The following PDE11A variants were observed in gnomAD, a reference collection of about 807,000 sequenced individuals.
PDE11A encodes the protein phosphodiesterase 11A, also known as dual 3',5'-cyclic-AMP and -GMP phosphodiesterase 11A.
In PDE11A, 100 loss-of-function variants were observed where a neutral mutation model predicts 100.5. That is an observed-to-expected ratio of 1.00 (90% CI 0.85 to 1.18). PDE11A has a LOEUF of 1.18. PDE11A is among the 50% of genes most tolerant of loss of function. The probability of loss-of-function intolerance (pLI) is 0.00; values close to 1 mark genes in which losing one functional copy is unlikely to be tolerated. For missense variants in PDE11A, 1,141 were observed against 1,152.6 expected, an observed-to-expected ratio of 0.99 and a Z score of 0.15; for synonymous variants, 381 against 420.8, an observed-to-expected ratio of 0.91 and a Z score of 1.16.
In PDE11A at chr2:177,898,049, A is replaced by T. The variant is rs1312961415; in HGVS notation, c.1302+9T>A. The T allele has an allele frequency of 1.9e-6, 3 of 1,603,234 alleles. No individual in the cohort carries two copies. The highest frequency in any genetic ancestry group is 1.7e-6 in the Non-Finnish European group (2 of 1,169,990). ...AGTCTTCAACTTTAAAAGATAAAAG[A>T]TAACTTACTGGTGATTCGATGTCCT... is the stretch of plus-strand genomic sequence containing the variant. On this transcript the variant is annotated intron_variant, in intron 4 of 19. Transcript: ENST00000286063.
At chr2:177,891,124 G>A (rs1222087036) in intron 4 of PDE11A, among the ~76,000 whole-genome samples, 1 of 152,106 alleles carries the variant, frequency 6.6e-6, no homozygotes, top group African/African-American at 2.4e-5. Context: ...TTTAAGAGGA[G>A]GAGTTGCTGG....
intron 4 of PDE11A, among the ~76,000 whole-genome samples, chr2:177,894,790 A>G (rs1172969942): frequency 1.3e-5 from 2 of 152,164 alleles, no homozygotes; most frequent in African/African-American, 4.8e-5. Context: ...CTTTCTGCTG[A>G]CTCTAAGTTC....
At chr2:177,757,968 T>C (rs747440017) in intron 10 of PDE11A, among the ~76,000 whole-genome samples, 2 of 152,062 alleles carry the variant, frequency 1.3e-5, no homozygotes, top group Non-Finnish European at 2.9e-5. Context: ...GGAAACATCA[T>C]CCTGAATTAC....
chr2:177,971,975 A>G (rs187690911), intron 2 of PDE11A, among the ~76,000 whole-genome samples: 3 of 152,226 alleles, frequency 2.0e-5, no homozygotes, highest in Non-Finnish European at 4.4e-5. Flanking sequence ...CTAGACACCA[A>G]TAGAGTCTCA....
At chr2:177,645,780 C>T (rs898776004) in intron 19 of PDE11A, among the ~76,000 whole-genome samples, 4 of 152,140 alleles carry the variant, frequency 2.6e-5, no homozygotes, top group African/African-American at 9.7e-5. Context: ...GCATAGTCTA[C>T]CCAAGTTATA....
chr2:177,637,998 T>TATATA (rs1491152209), intron 19 of PDE11A, among the ~76,000 whole-genome samples: 645 of 22,142 alleles, frequency 0.029, 17 homozygotes, highest in South Asian at 0.044. Flanking sequence ...TATATATATA[T>TATATA]TTTTTTTTTT....
intron 2 of PDE11A, among the ~76,000 whole-genome samples, chr2:178,097,086 C>T (rs376397467): frequency 6.6e-6 from 1 of 152,132 alleles, no homozygotes; most frequent in South Asian, 2.1e-4. Flanking sequence ...CGGGGTTTCA[C>T]CGTGTTAGCC....
intron 1 of PDE11A, among the ~76,000 whole-genome samples, chr2:178,032,590 T>C (rs943215608): frequency 2.0e-5 from 3 of 152,146 alleles, no homozygotes; most frequent in Non-Finnish European, 4.4e-5. Context: ...CTGACCCCTG[T>C]GCCTCCTTAC....
intron 7 of PDE11A, among the ~76,000 whole-genome samples, chr2:177,818,794 A>T (rs997959786): frequency 1.3e-5 from 2 of 152,008 alleles, no homozygotes; most frequent in African/African-American, 4.8e-5. Flanking sequence ...TCCCAAATAC[A>T]CAAGTTTAAC....
At chr2:177,998,833 T>C in intron 2 of PDE11A, 2 of 640,690 alleles carry the variant, frequency 3.1e-6, no homozygotes, top group Non-Finnish European at 5.7e-6. Context: ...CACTGCCACC[T>C]CAGCACTTCT....
At chr2:177,821,975 T>A (rs2083148351) in intron 6 of PDE11A, among the ~76,000 whole-genome samples, 1 of 151,970 alleles carries the variant, frequency 6.6e-6, no homozygotes, top group Admixed American at 6.6e-5. Context: ...AAGTATCTTC[T>A]ATATTCTGGA....
chr2:177,945,708 A>AC (rs1447570103), intron 2 of PDE11A, among the ~76,000 whole-genome samples: 3 of 146,362 alleles, frequency 2.0e-5, no homozygotes, highest in Non-Finnish European at 4.5e-5. Context: ...CCCGGCAGCC[A>AC]CCCCGTCCGG....
intron 6 of PDE11A, among the ~76,000 whole-genome samples, chr2:177,834,131 C>A (rs2105610128): frequency 6.6e-6 from 1 of 152,320 alleles, no homozygotes; most frequent in South Asian, 2.1e-4. Context: ...CCCTCCTCAC[C>A]CTTCAATGTG....
chr2:178,073,118 C>A (rs1288968787), upstream of PDE11A: 7 of 968,200 alleles, frequency 7.2e-6, no homozygotes, highest in Non-Finnish European at 2.5e-6. Flanking sequence ...GTCCGAGATA[C>A]AAGTGTTGAT....
intron 4 of PDE11A, among the ~76,000 whole-genome samples, chr2:177,892,110 A>G (rs2084538053): frequency 6.6e-6 from 1 of 152,178 alleles, no homozygotes; most frequent in Non-Finnish European, 1.5e-5. Flanking sequence ...GTATCTTAAC[A>G]TTGCCCATAA....
chr2:177,795,716 G>A (rs376630491), intron 9 of PDE11A, among the ~76,000 whole-genome samples: 4 of 151,520 alleles, frequency 2.6e-5, no homozygotes, highest in African/African-American at 9.7e-5. Context: ...ACATGTGTTT[G>A]TTACACGCAA....
chr2:178,092,022 C>T (rs1399217225), intron 2 of PDE11A, among the ~76,000 whole-genome samples: 8 of 152,126 alleles, frequency 5.3e-5, no homozygotes, highest in Admixed American at 5.2e-4. Flanking sequence ...TTCCCAAAAA[C>T]ATTCCTAAGG....
At chr2:177,839,586 C>T (rs2083455865) in intron 6 of PDE11A, among the ~76,000 whole-genome samples, 1 of 152,180 alleles carries the variant, frequency 6.6e-6, no homozygotes, top group Admixed American at 6.5e-5. Context: ...TTCCCCAACT[C>T]CCCATGCCTG....
In PDE11A at chr2:177,727,770, A is replaced by C; in HGVS notation, c.1936-5T>G. 1 of 1,544,010 alleles carries C rather than the reference A, an allele frequency of 6.5e-7. No individual in the cohort carries two copies. Among genetic ancestry groups the C allele is most frequent in the Non-Finnish European group, 9.0e-7 (1 of 1,116,228 alleles). ...CAAAAGCCACCTACACAGTGTCTGAAATGGGAGGGAGAGGGTGCGTCAGGC... is the reference window on the plus strand; with the variant it reads ...CAAAAGCCACCTACACAGTGTCTGACATGGGAGGGAGAGGGTGCGTCAGGC... On this transcript the variant is annotated splice_polypyrimidine_tract_variant and splice_region_variant and intron_variant, in intron 11 of 19. Coordinates refer to ENST00000286063, the MANE Select transcript of PDE11A (RefSeq NM_016953.4).
Sources: allele counts gnomAD v4.1 joint callset (sites outside exome capture counted in the v4.1 genomes callset), GRCh38; gene constraint gnomAD v4.1.1; transcripts MANE v1.5; gene names NCBI Gene and HGNC (gene_info 2026-07-23, HGNC 2026-07-21).